The following TRIM44 variants were observed in gnomAD, a reference collection of about 807,000 sequenced individuals.
TRIM44 encodes tripartite motif containing 44.
In TRIM44, 13 loss-of-function variants were observed where a neutral mutation model predicts 37.4. The observed-to-expected ratio is 0.35, with a 90% confidence interval of 0.23 to 0.55. TRIM44 has a LOEUF of 0.55. Ranked by LOEUF, TRIM44 falls within the 20% of genes least tolerant of loss-of-function variation. TRIM44 has a pLI of 0.89. For synonymous variants in TRIM44, 175 were observed against 157.2 expected, an observed-to-expected ratio of 1.11 and a Z score of -0.85; for missense variants, 426 against 437.2, an observed-to-expected ratio of 0.97 and a Z score of 0.23.
At chr11:35,703,846 A>G (rs1330067678) in intron 2 of TRIM44, among the ~76,000 whole-genome samples, 1 of 152,274 alleles carries the variant, frequency 6.6e-6, no homozygotes, top group Non-Finnish European at 1.5e-5. Context: ...TCTAAAAAGT[A>G]GAGTGCCTCT....
rs553903832 is a variant in TRIM44 at position 35,765,804 on chromosome 11, C to T, written c.1007+30359C>T. On this transcript the variant is annotated intron_variant, in intron 4 of 4. Transcript: ENST00000299413. ...GCTCTTTCTGTGCAATCTGATAGAA[C>T]AAAATTTAGTTTCTTTTTAACCATC... Among the ~76,000 whole-genome samples, 6 of 152,262 alleles carry T rather than the reference C, an allele frequency of 3.9e-5. No individual in the cohort carries two copies. The South Asian group carries it at 1.2e-3, about 32-fold the overall frequency.
At chr11:35,707,064 T>G (rs974141827) in intron 2 of TRIM44, among the ~76,000 whole-genome samples, 10 of 152,200 alleles carry the variant, frequency 6.6e-5, no homozygotes, top group East Asian at 5.8e-4. Flanking sequence ...CTTCAGCAAA[T>G]TCTCAGGATA....
At chr11:35,734,232 A>G (rs1852301996) in intron 3 of TRIM44, among the ~76,000 whole-genome samples, 1 of 152,166 alleles carries the variant, frequency 6.6e-6, no homozygotes. Context: ...CTGAATTGTT[A>G]CTGATACTGA....
intron 2 of TRIM44, among the ~76,000 whole-genome samples, chr11:35,703,844 G>A (rs1851833910): frequency 6.6e-6 from 1 of 152,212 alleles, no homozygotes; most frequent in African/African-American, 2.4e-5. Context: ...ACTCTAAAAA[G>A]TAGAGTGCCT....
intron 4 of TRIM44, among the ~76,000 whole-genome samples, chr11:35,789,291 G>A (rs552091000): frequency 6.6e-6 from 1 of 152,260 alleles, no homozygotes; most frequent in African/African-American, 2.4e-5. Flanking sequence ...TATTAAACTT[G>A]AGTCTGATTG....
Position 35,779,873 on chromosome 11 carries a change from ATT to A in TRIM44, c.1008-26469_1008-26468del, listed in dbSNP as rs11440904. Among the ~76,000 whole-genome samples the A allele has an allele frequency of 4.7e-4, 64 of 136,506 alleles. 1 individual carries two copies. The highest frequency in any genetic ancestry group is 1.5e-3 in the African/African-American group (56 of 36,876). 89.6% of individuals were successfully genotyped at this position (136,506 alleles called of 152,430 possible). A position where few individuals can be genotyped will look rare whatever the true frequency, so the allele number is the denominator to read the frequency against. On this transcript the variant is annotated intron_variant, in intron 4 of 4. Coordinates refer to ENST00000299413, the MANE Select transcript of TRIM44 (RefSeq NM_017583.6). ...ATAGGGAGATCTTTCCCCTTTGCCT[ATT>A]TTTTTTTTTTTTTTTACTTTGTCAA...
At chr11:35,708,928 T>C (rs1465454463) in intron 2 of TRIM44, among the ~76,000 whole-genome samples, 1 of 150,178 alleles carries the variant, frequency 6.7e-6, no homozygotes, top group African/African-American at 2.4e-5. Flanking sequence ...AAAAAATAAA[T>C]AAAAAATGAA....
intron 2 of TRIM44, among the ~76,000 whole-genome samples, chr11:35,723,286 G>A (rs900360481): frequency 2.0e-5 from 3 of 152,152 alleles, no homozygotes; most frequent in Non-Finnish European, 2.9e-5. Flanking sequence ...AGATTCAGAT[G>A]TTCAATAGGT....
intron 1 of TRIM44, among the ~76,000 whole-genome samples, chr11:35,680,067 T>A (rs536698399): frequency 7.2e-5 from 11 of 152,308 alleles, no homozygotes; most frequent in African/African-American, 2.6e-4. Flanking sequence ...CCCCCTGAAA[T>A]CCATACATGA....
At chr11:35,763,610 G>T (rs1192496570) in intron 4 of TRIM44, among the ~76,000 whole-genome samples, 2 of 152,104 alleles carry the variant, frequency 1.3e-5, no homozygotes, top group African/African-American at 4.8e-5. Flanking sequence ...TATTCCTCTG[G>T]CTCTAAAACT....
At position 35,814,079 on chromosome 11, in the gene TRIM44, C is replaced by T. The variant is rs1318212948; in HGVS notation, c.*7694C>T. ...AGTCACTTAAGCATCCCTGTTAGTT[C>T]TAAGCCCCTGTCGATTGCCCATTTA... On this transcript the variant is annotated 3_prime_UTR_variant, in exon 5 of 5. Transcript: ENST00000299413. The T allele has an allele frequency of 1.3e-5, 2 of 152,206 alleles. No individual in the cohort carries two copies. The highest frequency in any genetic ancestry group is 2.9e-5 in the Non-Finnish European group (2 of 68,030). 9.4% of individuals were successfully genotyped at this position (152,206 alleles called of 1,614,324 possible). A position where few individuals can be genotyped will look rare whatever the true frequency, so the allele number is the denominator to read the frequency against.
At chr11:35,722,678 A>G (rs1472687961) in intron 2 of TRIM44, among the ~76,000 whole-genome samples, 1 of 152,128 alleles carries the variant, frequency 6.6e-6, no homozygotes, top group African/African-American at 2.4e-5. Context: ...TTTTAGTGGG[A>G]TTTGGCCAGC....
chr11:35,765,542 G>A (rs1852786289), intron 4 of TRIM44, among the ~76,000 whole-genome samples: 1 of 152,152 alleles, frequency 6.6e-6, no homozygotes, highest in South Asian at 2.1e-4. Context: ...TTAGTTACAA[G>A]GAGATTTTAG....
rs1221274046 is a variant in TRIM44 at position 35,663,149 on chromosome 11, C to T, written c.38C>T (p.Pro13Leu). 3.9e-6 allele frequency: 6 copies of T among 1,547,562 alleles called. No individual in the cohort carries two copies. Among genetic ancestry groups the T allele is most frequent in the Non-Finnish European group, 5.2e-6 (6 of 1,148,146 alleles). The change falls in exon 1 of 5, where the codon CCT becomes CTT. Residue 13 changes from proline to leucine, a missense_variant. Physicochemically the swap from Pro to Leu is moderately conservative, Grantham distance 98 (BLOSUM62 -3). Around this residue, in one of 2 missense-constraint regions of TRIM44, gnomAD observed 331 missense variants for 303.0 expected, o/e 1.09. Transcript: ENST00000299413. The stretch of plus-strand genomic sequence containing the variant: ...GTGGGCGCGGCCTTCGAGGAACTGC[C>T]TCACGACGGCACGTGTGACGAGTGC... ...SGVGAAFEELPHDGTCDECEP... is the reference protein window; with the variant it reads ...SGVGAAFEELLHDGTCDECEP...
Position 35,807,224 on chromosome 11 carries a change from G to T in TRIM44, c.*839G>T, listed in dbSNP as rs546192162. ...TTTATGGGCTTGTCACAACGTGAAG[G>T]GCTGGAATGTATATTACCAAATGGG... On this transcript the variant is annotated 3_prime_UTR_variant, in exon 5 of 5. Transcript: ENST00000299413. 4 of 152,262 alleles carry T rather than the reference G, an allele frequency of 2.6e-5. No individual in the cohort carries two copies. The highest frequency in any genetic ancestry group is 9.6e-5 in the African/African-American group (4 of 41,542). The allele number at this position is 152,262 out of a possible 1,614,324, so 9.4% of individuals were successfully genotyped here. A position where few individuals can be genotyped will look rare whatever the true frequency, so the allele number is the denominator to read the frequency against.
At chr11:35,751,317 C>G (rs1476105054) in intron 4 of TRIM44, among the ~76,000 whole-genome samples, 2 of 152,178 alleles carry the variant, frequency 1.3e-5, no homozygotes, top group African/African-American at 4.8e-5. Context: ...ATTTTACAAA[C>G]CCTTAAGTAC....
intron 1 of TRIM44, among the ~76,000 whole-genome samples, chr11:35,684,648 C>T (rs2135490390): frequency 6.6e-6 from 1 of 152,228 alleles, no homozygotes; most frequent in South Asian, 2.1e-4. Context: ...AAAATTGGAA[C>T]TGTATATGTC....
intron 4 of TRIM44, among the ~76,000 whole-genome samples, chr11:35,800,945 A>G (rs1228031937): frequency 6.6e-6 from 1 of 152,160 alleles, no homozygotes; most frequent in Non-Finnish European, 1.5e-5. Context: ...TATTTTCATC[A>G]TGTTTTTCTC....
intron 4 of TRIM44, among the ~76,000 whole-genome samples, chr11:35,752,769 A>T (rs1460502417): frequency 6.6e-6 from 1 of 152,146 alleles, no homozygotes; most frequent in Non-Finnish European, 1.5e-5. Flanking sequence ...CTCTGCAGGA[A>T]TGCTCGTCCC....
Sources: allele counts gnomAD v4.1 joint callset (sites outside exome capture counted in the v4.1 genomes callset), GRCh38; gene constraint gnomAD v4.1.1; regional missense constraint gnomAD v4.1.1; transcripts MANE v1.5; gene names NCBI Gene and HGNC (gene_info 2026-07-23, HGNC 2026-07-21).